ZEB2: variants seen among roughly 807,000 people sequenced by gnomAD.
The protein encoded by ZEB2 is zinc finger E-box-binding homeobox 2.
A neutral mutation model predicts 99.9 loss-of-function variants in ZEB2; 6 were observed. That is an observed-to-expected ratio of 0.06 (90% CI 0.03 to 0.12). The LOEUF (loss-of-function observed/expected upper bound fraction) is 0.12, where lower values mean the gene tolerates loss of function less well. ZEB2 is among the 10% of genes least tolerant of loss of function. The pLI, the probability that ZEB2 is intolerant of heterozygous loss-of-function variation, is 1.00. For missense variants in ZEB2, 969 were observed against 1,502.8 expected (o/e 0.64, Z 5.87); for synonymous variants, 517 against 542.5 (o/e 0.95, Z 0.65).
At chr2:144,394,907 C>T (rs1380082077) in intron 9 of ZEB2, among the ~76,000 whole-genome samples, 1 of 151,366 alleles carries the variant, frequency 6.6e-6, no homozygotes, top group Non-Finnish European at 1.5e-5. Context: ...GAGTACTTCC[C>T]AAGGACAGTT....
chr2:144,477,341 C>T (rs1466889288), intron 2 of ZEB2, among the ~76,000 whole-genome samples: 6 of 152,192 alleles, frequency 3.9e-5, no homozygotes, highest in Non-Finnish European at 8.8e-5. Flanking sequence ...AAAAGTAAAA[C>T]TAAAAGCCCA....
At chr2:144,499,515 A>G (rs1704838451) in intron 2 of ZEB2, among the ~76,000 whole-genome samples, 1 of 152,196 alleles carries the variant, frequency 6.6e-6, no homozygotes, top group Non-Finnish European at 1.5e-5. Context: ...ACATTGAAAA[A>G]CAGTTAATTT....
At position 144,389,335 on chromosome 2, in the gene ZEB2, C is replaced by T. The variant is rs886054896; in HGVS notation, c.*116G>A. On this transcript the variant is annotated 3_prime_UTR_variant, in exon 10 of 10. Transcript: ENST00000627532. This position sits in a 1 kb window ranked among gnomAD's most constrained non-coding sequence, Gnocchi z 6.8. ...GCTGAACCGCCCCTTCTGTCCCTCTCTACAGCTTCCTGGAAGCGTCAGGCA... is the reference window on the plus strand; with the variant it reads ...GCTGAACCGCCCCTTCTGTCCCTCTTTACAGCTTCCTGGAAGCGTCAGGCA... The T allele has an allele frequency of 4.8e-5, 60 of 1,252,820 alleles. No homozygotes were observed. Among genetic ancestry groups the T allele is most frequent in the Non-Finnish European group, 2.1e-5 (18 of 859,990 alleles). 77.6% of individuals were successfully genotyped at this position (1,252,820 alleles called of 1,614,324 possible).
chr2:144,473,920 C>T (rs1159992424), intron 2 of ZEB2, among the ~76,000 whole-genome samples: 1 of 152,158 alleles, frequency 6.6e-6, no homozygotes, highest in African/African-American at 2.4e-5. Context: ...CAGTCTTTCG[C>T]TTTCTGGGGT....
At position 144,396,443 on chromosome 2, in the gene ZEB2, A is replaced by G; in HGVS notation, c.3036T>C (p.Ser1012=). Residue 1012 remains serine (S), a synonymous_variant, in exon 9 of 10, where the codon AGT becomes AGC. Coordinates refer to ENST00000627532, the MANE Select transcript of ZEB2 (RefSeq NM_014795.4). ...GTTCGTATTTATGTCGCAGAAGGGA[A>G]CTGCTTTTCTGGAATGTCTTGTCAC... ...DLCDKTFQKS[S]SLLRHKYEHT... The G allele has an allele frequency of 6.2e-7, 1 of 1,613,954 alleles. No individual in the cohort carries two copies. Among genetic ancestry groups the G allele is most frequent in the Non-Finnish European group, 8.5e-7 (1 of 1,180,000 alleles).
intron 2 of ZEB2, among the ~76,000 whole-genome samples, chr2:144,473,831 G>A (rs1183534291): frequency 6.6e-6 from 1 of 152,126 alleles, no homozygotes; most frequent in Non-Finnish European, 1.5e-5. Context: ...TATAACAGCA[G>A]ACCAATTCAT....
intron 2 of ZEB2, among the ~76,000 whole-genome samples, chr2:144,432,340 C>G (rs1703784718): frequency 6.6e-6 from 1 of 152,176 alleles, no homozygotes. Context: ...CTTACAGAGG[C>G]AGTATGCCAT....
chr2:144,430,160 T>G, intron 2 of ZEB2, 134 bp from the exon 3 acceptor site: 3 of 1,290,324 alleles, frequency 2.3e-6, no homozygotes, highest in South Asian at 2.6e-5. Context: ...GAAAATATAA[T>G]TAATATCCTT....
At chr2:144,438,915 C>T (rs543969586) in intron 2 of ZEB2, among the ~76,000 whole-genome samples, 6 of 152,110 alleles carry the variant, frequency 3.9e-5, no homozygotes, top group East Asian at 1.9e-4. Flanking sequence ...AACCAGACAA[C>T]GGTGAAAGGG....
chr2:144,504,070 T>C (rs1409631213), intron 2 of ZEB2: 1 of 118,526 alleles, frequency 8.4e-6, no homozygotes, highest in Admixed American at 1.1e-4. Context: ...TCCTACAAGT[T>C]AACAATTAGA....
chr2:144,424,268 A>T (rs1703659893), intron 4 of ZEB2: 1 of 442,936 alleles, frequency 2.3e-6, no homozygotes, highest in Non-Finnish European at 4.4e-6. Flanking sequence ...CCTGGAAAAA[A>T]TTATTTAAAA....
intron 2 of ZEB2, among the ~76,000 whole-genome samples, chr2:144,479,841 T>A (rs1332991202): frequency 6.6e-6 from 1 of 152,068 alleles, no homozygotes; most frequent in African/African-American, 2.4e-5. Flanking sequence ...TTGCATAAGG[T>A]CTCTGTTGTG....
In ZEB2 at chr2:144,386,503, C is replaced by A. The variant is rs111991965; in HGVS notation, c.*2948G>T. 21 of 152,240 alleles carry A rather than the reference C, an allele frequency of 1.4e-4. No individual in the cohort carries two copies. The highest frequency in any genetic ancestry group is 4.8e-4 in the African/African-American group (20 of 41,562). The allele number at this position is 152,240 out of a possible 1,614,324, so 9.4% of individuals were successfully genotyped here. A position where few individuals can be genotyped will look rare whatever the true frequency, so the allele number is the denominator to read the frequency against. ...CCTGCCTATGAAATGGAGTTAGGAA[C>A]AAATGACAGAGAAGGGGGTAACAGG... is the stretch of plus-strand genomic sequence containing the variant. On this transcript the variant is annotated 3_prime_UTR_variant, in exon 10 of 10. Coordinates refer to ENST00000627532, the MANE Select transcript of ZEB2 (RefSeq NM_014795.4).
intron 2 of ZEB2, chr2:144,513,768 C>A: frequency 6.5e-7 from 1 of 1,536,038 alleles, no homozygotes; most frequent in Non-Finnish European, 8.7e-7. Context: ...GGGCATCTCC[C>A]GCTCCGAGTG....
At chr2:144,443,985 G>C (rs987713470) in intron 2 of ZEB2, among the ~76,000 whole-genome samples, 1 of 152,164 alleles carries the variant, frequency 6.6e-6, no homozygotes, top group African/African-American at 2.4e-5. Context: ...AGAGATCATG[G>C]TGACAGCAGC....
chr2:144,502,397 T>C (rs533169828), intron 2 of ZEB2, among the ~76,000 whole-genome samples: 1 of 152,268 alleles, frequency 6.6e-6, no homozygotes, highest in East Asian at 1.9e-4. Context: ...AGTGGTAACA[T>C]CTGTGCTCCT....
chr2:144,457,777 T>C (rs931100808), intron 2 of ZEB2, among the ~76,000 whole-genome samples: 3 of 152,132 alleles, frequency 2.0e-5, no homozygotes, highest in Non-Finnish European at 4.4e-5. Context: ...TCCCCCCATA[T>C]TTACTCTCAT....
At chr2:144,513,182 G>T in intron 2 of ZEB2, 4 of 1,286,698 alleles carry the variant, frequency 3.1e-6, no homozygotes, top group African/African-American at 1.5e-5. Flanking sequence ...CAACTTCTCC[G>T]TCCCTCATTG....
intron 8 of ZEB2, among the ~76,000 whole-genome samples, chr2:144,397,113 A>G (rs1703240300): frequency 6.6e-6 from 1 of 152,198 alleles, no homozygotes; most frequent in African/African-American, 2.4e-5. Context: ...TGAAATAGGG[A>G]ATATTAATAA....
Sources: gnomAD v4.1 joint callset for allele counts (sites outside exome capture counted in the v4.1 genomes callset) on GRCh38, gnomAD v4.1.1 for gene constraint, Gnocchi (gnomAD v3.1) non-coding constraint, MANE v1.5 for transcripts, NCBI Gene and HGNC (gene_info 2026-07-23, HGNC 2026-07-21) for gene names.